The following PCCA variants were observed in gnomAD, a reference collection of about 807,000 sequenced individuals.
PCCA encodes the protein propionyl-CoA carboxylase subunit alpha.
Under a neutral mutation model 101.3 loss-of-function variants are expected in PCCA, and 74 were observed. That is an observed-to-expected ratio of 0.73 (90% CI 0.61 to 0.89). The LOEUF is 0.89. Ranked by LOEUF, PCCA falls within the 40% of genes least tolerant of loss-of-function variation. The pLI, the probability that PCCA is intolerant of heterozygous loss-of-function variation, is 0.00. For synonymous variants in PCCA, 294 were observed against 313.6 expected, an observed-to-expected ratio of 0.94 and a Z score of 0.66; for missense variants, 891 against 907.0, an observed-to-expected ratio of 0.98 and a Z score of 0.23.
intron 12 of PCCA, among the ~76,000 whole-genome samples, chr13:100,282,692 A>G (rs1221001034): frequency 6.6e-6 from 1 of 152,246 alleles, no homozygotes; most frequent in East Asian, 1.9e-4. Context: ...GGAAGTACAA[A>G]TTACAATACT....
In PCCA at chr13:100,169,958, C is replaced by T. The variant is rs547504977; in HGVS notation, c.468+12618C>T. On this transcript the variant is annotated intron_variant, in intron 6 of 23. Coordinates refer to ENST00000376285, the MANE Select transcript of PCCA (RefSeq NM_000282.4). ...CAGGTGATCCTCCCACCTCAGCCTC[C>T]GGAAGTGCTGGGATTATAGGCATGA... Among the ~76,000 whole-genome samples, 7 of 152,230 alleles carry T rather than the reference C, an allele frequency of 4.6e-5. No individual in the cohort carries two copies. The South Asian group carries it at 8.3e-4, about 18-fold the overall frequency.
At chr13:100,165,856 C>G (rs936547224) in intron 6 of PCCA, among the ~76,000 whole-genome samples, 2 of 151,946 alleles carry the variant, frequency 1.3e-5, no homozygotes, top group African/African-American at 4.8e-5. Flanking sequence ...ATGAATCCAG[C>G]CTGGGTGACA....
chr13:100,201,185 A>C (rs942209364), intron 6 of PCCA, among the ~76,000 whole-genome samples: 1 of 152,192 alleles, frequency 6.6e-6, no homozygotes, highest in Non-Finnish European at 1.5e-5. Flanking sequence ...GCTGTTATCT[A>C]TAAGGTTTTA....
intron 18 of PCCA, among the ~76,000 whole-genome samples, chr13:100,368,184 A>C (rs537300386): frequency 6.6e-6 from 1 of 152,288 alleles, no homozygotes; most frequent in Non-Finnish European, 1.5e-5. Flanking sequence ...AAGGCATGGC[A>C]TACTTACTTA....
intron 16 of PCCA, among the ~76,000 whole-genome samples, chr13:100,319,266 T>G (rs1325210759): frequency 6.6e-6 from 1 of 152,170 alleles, no homozygotes; most frequent in African/African-American, 2.4e-5. Flanking sequence ...TTGCAAAAAT[T>G]TTCTCCCATT....
At chr13:100,103,002 A>G (rs768590798) in intron 2 of PCCA, 42 bp downstream of exon 2, 3 of 1,315,850 alleles carry the variant, frequency 2.3e-6, no homozygotes, top group South Asian at 1.2e-5. Flanking sequence ...AATTAAACTT[A>G]TCATGGTTTT....
intron 19 of PCCA, among the ~76,000 whole-genome samples, chr13:100,382,255 GT>G (rs2076270763): frequency 6.6e-6 from 1 of 152,190 alleles, no homozygotes; most frequent in Admixed American, 6.5e-5. Context: ...CAGAGGAGGG[GT>G]AGGTGATCTT....
intron 6 of PCCA, among the ~76,000 whole-genome samples, chr13:100,181,631 C>T (rs1187485703): frequency 2.0e-5 from 3 of 152,062 alleles, no homozygotes; most frequent in African/African-American, 7.2e-5. Flanking sequence ...CCATGTTACT[C>T]AGGCTGGTCT....
intron 4 of PCCA, among the ~76,000 whole-genome samples, chr13:100,130,792 A>G (rs1250246758): frequency 6.6e-6 from 1 of 152,206 alleles, no homozygotes; most frequent in African/African-American, 2.4e-5. Flanking sequence ...TAAATGTTAC[A>G]GATCCCCAGG....
chr13:100,111,266 C>T (rs983509558), intron 2 of PCCA, among the ~76,000 whole-genome samples: 1 of 147,220 alleles, frequency 6.8e-6, no homozygotes, highest in Non-Finnish European at 1.5e-5. Flanking sequence ...CTCCTGACCT[C>T]GTGATCCACC....
chr13:100,263,881 G>GGTATCTGTATGTCATAGATACA (rs1566822059), intron 10 of PCCA, among the ~76,000 whole-genome samples: 5 of 142,814 alleles, frequency 3.5e-5, no homozygotes, highest in Admixed American at 7.0e-5. Context: ...GTATATATAT[G>GGTATCTGTATGTCATAGATACA]GTATCTGTAT....
At chr13:100,326,579 T>A (rs1252483998) in intron 16 of PCCA, among the ~76,000 whole-genome samples, 1 of 152,136 alleles carries the variant, frequency 6.6e-6, no homozygotes, top group Non-Finnish European at 1.5e-5. Context: ...AGTATATTCA[T>A]AAAGTTATAC....
Position 100,330,188 on chromosome 13 carries a change from G to A in PCCA, c.1430-373G>A, listed in dbSNP as rs185951548. On this transcript the variant is annotated intron_variant, in intron 16 of 23. Coordinates refer to ENST00000376285, the MANE Select transcript of PCCA (RefSeq NM_000282.4). ...CCGAAGCATGGATTTTTATGCTACA[G>A]GAATAAACAAACTTATTTCTCATTG... Among the ~76,000 whole-genome samples the A allele has an allele frequency of 5.0e-3, 767 of 152,258 alleles. 7 individuals carry two copies. The highest frequency in any genetic ancestry group is 6.7e-3 in the Non-Finnish European group (455 of 68,018).
intron 16 of PCCA, among the ~76,000 whole-genome samples, chr13:100,314,980 T>A (rs189329058): frequency 6.6e-6 from 1 of 152,320 alleles, no homozygotes; most frequent in Non-Finnish European, 1.5e-5. Flanking sequence ...ATCCTTGTAC[T>A]GTGATTATAG....
intron 19 of PCCA, among the ~76,000 whole-genome samples, chr13:100,416,127 C>T (rs983743718): frequency 2.8e-4 from 42 of 151,878 alleles, no homozygotes; most frequent in African/African-American, 9.6e-4. Context: ...TAATGGAATC[C>T]AGAGTGATAG....
chr13:100,215,070 A>G (rs758519335), intron 7 of PCCA, among the ~76,000 whole-genome samples: 8 of 152,084 alleles, frequency 5.3e-5, no homozygotes, highest in Non-Finnish European at 1.0e-4. Context: ...GATTCTTGAA[A>G]CTTATGTGCT....
chr13:100,105,466 C>G (rs1219494419), intron 2 of PCCA, among the ~76,000 whole-genome samples: 1 of 151,992 alleles, frequency 6.6e-6, no homozygotes, highest in Non-Finnish European at 1.5e-5. Flanking sequence ...GGGTGGAATA[C>G]TACAAACGGT....
At position 100,526,013 on chromosome 13, in the gene PCCA, C is replaced by T. The variant is rs576753454; in HGVS notation, c.2041-1662C>T. Among the ~76,000 whole-genome samples the T allele has an allele frequency of 7.9e-5, 12 of 152,322 alleles. No homozygotes were observed. The South Asian group carries it at 1.5e-3, about 18-fold the overall frequency. On this transcript the variant is annotated intron_variant, in intron 22 of 23. Transcript: ENST00000376285. Reference sequence around the variant, plus strand: ...TGCTCAGTCCTAGGTCAGAGTCAGTCGCAGTGAGTCCAGCTTCTAAGAGGA... The same window carrying T: ...TGCTCAGTCCTAGGTCAGAGTCAGTTGCAGTGAGTCCAGCTTCTAAGAGGA...
At chr13:100,108,707 TTACC>T (rs1410403009) in intron 2 of PCCA, among the ~76,000 whole-genome samples, 3 of 152,228 alleles carry the variant, frequency 2.0e-5, no homozygotes, top group South Asian at 4.1e-4. Flanking sequence ...CACTTGATAT[TTACC>T]TGTAATTGTT....
Sources: allele counts gnomAD v4.1 joint callset (sites outside exome capture counted in the v4.1 genomes callset), GRCh38; gene constraint gnomAD v4.1.1; transcripts MANE v1.5; gene names NCBI Gene and HGNC (gene_info 2026-07-23, HGNC 2026-07-21).